The following NMBR variants were observed in gnomAD, a reference collection of about 807,000 sequenced individuals.
NMBR encodes neuromedin B receptor.
In NMBR, 16 loss-of-function variants were observed where a neutral mutation model predicts 20.5. That is an observed-to-expected ratio of 0.78 (90% CI 0.53 to 1.19). NMBR has a LOEUF of 1.19. NMBR is among the 50% of genes most tolerant of loss of function. NMBR has a pLI of 0.00. For missense variants in NMBR, 582 were observed against 499.1 expected (o/e 1.17, Z -1.58); for synonymous variants, 212 against 196.6 (o/e 1.08, Z -0.65).
At chr6:142,089,378 G>A (rs899325745) in intron 1 of NMBR, among the ~76,000 whole-genome samples, 57 bp from the exon 2 acceptor site, 2 of 152,174 alleles carry the variant, frequency 1.3e-5, no homozygotes, top group Non-Finnish European at 2.9e-5. Context: ...GCTCATAAAT[G>A]AAATCCTCTC....
At chr6:142,102,193 C>A (rs1230694907) in intron 1 of NMBR, among the ~76,000 whole-genome samples, 1 of 152,086 alleles carries the variant, frequency 6.6e-6, no homozygotes, top group South Asian at 2.1e-4. Context: ...TCAAGACCAT[C>A]CTGGCTAACA....
intron 1 of NMBR, among the ~76,000 whole-genome samples, chr6:142,093,137 A>C (rs1276939466): frequency 6.6e-6 from 1 of 151,908 alleles, no homozygotes; most frequent in Admixed American, 6.6e-5. Context: ...TTAGAACAAA[A>C]CTTAAGAATT....
intron 1 of NMBR, among the ~76,000 whole-genome samples, chr6:142,137,837 G>C (rs1778288703): frequency 6.6e-6 from 1 of 152,102 alleles, no homozygotes; most frequent in Non-Finnish European, 1.5e-5. Flanking sequence ...GCATCCCAGG[G>C]ATGAAGCCCA....
rs1304237852 is a variant in NMBR at position 142,090,595 on chromosome 6, TA to T, written c.-663-1275del. Among the ~76,000 whole-genome samples the T allele has an allele frequency of 1.0e-3, 153 of 149,754 alleles. 1 individual carries two copies. Among genetic ancestry groups the T allele is most frequent in the South Asian group, 5.8e-3 (28 of 4,790 alleles). ...TATATAAATATTCTATTTATATTTA[TA>T]AAAATTATACACATATATAGAGGGA... On this transcript the variant is annotated intron_variant, in intron 1 of 3. Coordinates refer to ENST00000258042, the MANE Select transcript of NMBR (RefSeq NM_002511.4).
Position 142,075,636 on chromosome 6 carries a change from G to T in NMBR, c.*12C>A. ...CTAAGTTCTCTCCAGGTAGTGAGTT[G>T]AATGGCCAAAATCACAGTGCCATTT... On this transcript the variant is annotated 3_prime_UTR_variant, in exon 4 of 4. Coordinates refer to ENST00000258042, the MANE Select transcript of NMBR (RefSeq NM_002511.4). 1 of 1,593,582 alleles carries T rather than the reference G, an allele frequency of 6.3e-7. No individual in the cohort carries two copies. The highest frequency in any genetic ancestry group is 1.1e-5 in the South Asian group (1 of 87,692).
chr6:142,110,049 C>T (rs1777733014), intron 1 of NMBR, among the ~76,000 whole-genome samples: 2 of 151,980 alleles, frequency 1.3e-5, no homozygotes, highest in Admixed American at 6.6e-5. Flanking sequence ...CAGATGGCTA[C>T]GACCAAATAG....
intron 1 of NMBR, among the ~76,000 whole-genome samples, chr6:142,136,169 C>G (rs1778250783): frequency 6.6e-6 from 1 of 152,168 alleles, no homozygotes; most frequent in South Asian, 2.1e-4. Context: ...TGTTTCCTGA[C>G]TTTTTAATGA....
At chr6:142,087,464 T>A (rs1376770219) in intron 2 of NMBR, among the ~76,000 whole-genome samples, 1 of 152,216 alleles carries the variant, frequency 6.6e-6, no homozygotes, top group Non-Finnish European at 1.5e-5. Flanking sequence ...TTTTCCTCCC[T>A]GGTCTTCCAT....
intron 1 of NMBR, chr6:142,134,662 G>C (rs1277489820): frequency 1.3e-5 from 9 of 695,184 alleles, no homozygotes; most frequent in Admixed American, 6.3e-5. Flanking sequence ...TATACTCTCT[G>C]TTTTATTAAG....
chr6:142,120,165 A>G (rs1319999158), intron 1 of NMBR, among the ~76,000 whole-genome samples: 1 of 151,938 alleles, frequency 6.6e-6, no homozygotes, highest in African/African-American at 2.4e-5. Flanking sequence ...GGATTGAATA[A>G]TCTCTCCTGC....
chr6:142,088,585 C>A lies in NMBR; in HGVS notation c.74G>T (p.Trp25Leu). 6.2e-7 allele frequency: 1 copy of A among 1,613,222 alleles called. No individual in the cohort carries two copies. The highest frequency in any genetic ancestry group is 8.5e-7 in the Non-Finnish European group (1 of 1,179,984). Residue 25 changes from tryptophan (W) to leucine (L), a missense_variant, in exon 2 of 4, where the codon TGG becomes TTG. By Grantham distance (61) the Trp-to-Leu change is moderately conservative (BLOSUM62 -2). Transcript: ENST00000258042. ...CGAGGCCGGCAGGAAATCCCTTTCC[C>A]ACCCCTCGGGAACGGAACCGCTCTC... ...ANESGSVPEG[W>L]ERDFLPASDG...
At chr6:142,137,128 G>T (rs2114612178) in intron 1 of NMBR, among the ~76,000 whole-genome samples, 1 of 152,322 alleles carries the variant, frequency 6.6e-6, no homozygotes, top group African/African-American at 2.4e-5. Context: ...CTACCCATGA[G>T]CATGGAATGT....
intron 1 of NMBR, among the ~76,000 whole-genome samples, chr6:142,136,142 T>G (rs1288767137): frequency 6.6e-6 from 1 of 152,192 alleles, no homozygotes; most frequent in Non-Finnish European, 1.5e-5. Flanking sequence ...TTTCTCCACA[T>G]CCTCTCCAGC....
chr6:142,132,671 C>G (rs1562247184), intron 1 of NMBR, among the ~76,000 whole-genome samples: 1 of 152,032 alleles, frequency 6.6e-6, no homozygotes, highest in Non-Finnish European at 1.5e-5. Context: ...AGGAATATTT[C>G]CCATGTACTT....
At chr6:142,108,615 G>T (rs563601735) in intron 1 of NMBR, among the ~76,000 whole-genome samples, 7 of 152,084 alleles carry the variant, frequency 4.6e-5, no homozygotes, top group Admixed American at 2.6e-4. Context: ...TACAAGAACA[G>T]CATGGAGGTA....
At chr6:142,134,879 T>C (rs1778222237) in intron 1 of NMBR, 1 of 624,282 alleles carries the variant, frequency 1.6e-6, no homozygotes, top group Admixed American at 2.9e-5. Context: ...GCTGAGATTT[T>C]TGAGATCATA....
rs748268416 is a variant in NMBR, at chr6:142,088,255, G to C, written c.404C>G (p.Thr135Ser). The C allele has an allele frequency of 3.1e-6, 5 of 1,612,516 alleles. No homozygotes were observed. The South Asian group carries it at 5.5e-5, about 18-fold the overall frequency. ...CTCTTACCTGTCGGCGCTGAGGGCA[G>C]TGAGAGTGAACACGGAAACCCCCAC... is the stretch of plus-strand genomic sequence containing the variant. Reference protein sequence around the residue: ...TSVGVSVFTLTALSADRYRAI... With the variant: ...TSVGVSVFTLSALSADRYRAI... The change falls in exon 2 of 4, where the codon ACT (threonine) becomes AGT (serine). Residue 135 changes from threonine (T) to serine (S), a missense_variant. Physicochemically the swap from Thr to Ser is moderately conservative, Grantham distance 58 (BLOSUM62 1). Coordinates refer to ENST00000258042, the MANE Select transcript of NMBR (RefSeq NM_002511.4).
rs538760799 is a variant in NMBR, at chr6:142,105,142, G to A, written c.-663-15821C>T. 2.8e-4 allele frequency among the ~76,000 whole-genome samples: 42 copies of A among 152,110 alleles called. No homozygotes were observed. The South Asian group carries it at 6.7e-3, about 24-fold the overall frequency. Reference sequence around the variant, plus strand: ...TCACAAAGTACATTATCGAAAGGGCGGGGAGGGGGTATTTTCACAAAGTCA... The same window carrying A: ...TCACAAAGTACATTATCGAAAGGGCAGGGAGGGGGTATTTTCACAAAGTCA... On this transcript the variant is annotated intron_variant, in intron 1 of 3. Transcript: ENST00000258042.
chr6:142,103,774 A>G (rs1297814921), intron 1 of NMBR, among the ~76,000 whole-genome samples: 2 of 152,138 alleles, frequency 1.3e-5, no homozygotes, highest in East Asian at 3.9e-4. Context: ...TATCATGAAA[A>G]TCTCACAAAG....
Sources: allele counts gnomAD v4.1 joint callset (sites outside exome capture counted in the v4.1 genomes callset), GRCh38; gene constraint gnomAD v4.1.1; transcripts MANE v1.5; gene names NCBI Gene and HGNC (gene_info 2026-07-23, HGNC 2026-07-21).